The following CSMD1 variants were observed in gnomAD, a reference collection of about 807,000 sequenced individuals.
CSMD1 encodes the protein CUB and Sushi multiple domains 1, also known as CUB and sushi domain-containing protein 1.
In CSMD1, 213 loss-of-function variants were observed where a neutral mutation model predicts 417.5. The ratio of observed to expected loss-of-function variants is 0.51; its 90% CI spans 0.46 to 0.57. The LOEUF is 0.57. Among genes scored for constraint, CSMD1 ranks in the 20% least tolerant of loss-of-function variants. CSMD1 has a pLI of 0.00. For missense variants in CSMD1, 6,923 were observed against 4,529.7 expected (o/e 1.53, Z -15.17); for synonymous variants, 2,862 against 1,736.8 (o/e 1.65, Z -16.11).
At chr8:3,802,463 T>C (rs76638861) in intron 5 of CSMD1, among the ~76,000 whole-genome samples, 7,495 of 152,278 alleles carry the variant, frequency 0.049, 355 homozygotes, top group African/African-American at 0.13. Context: ...GTCAGCCTGA[T>C]ACATAAGTAT....
intron 14 of CSMD1, 31 bp downstream of exon 14, chr8:3,407,868 T>A: frequency 2.6e-6 from 4 of 1,548,576 alleles, no homozygotes; most frequent in South Asian, 2.4e-5. Flanking sequence ...AAATGAGAAC[T>A]TGGATGTGTT....
chr8:4,358,842 C>T (rs1195562553), intron 3 of CSMD1, among the ~76,000 whole-genome samples: 2 of 152,008 alleles, frequency 1.3e-5, no homozygotes, highest in Non-Finnish European at 1.5e-5. Flanking sequence ...GGTTTCAGTG[C>T]TCAAATAACT....
At chr8:3,415,734 C>G (rs533253889) in intron 12 of CSMD1, among the ~76,000 whole-genome samples, 2 of 152,234 alleles carry the variant, frequency 1.3e-5, no homozygotes, top group South Asian at 2.1e-4. Context: ...TCTGGAGAAT[C>G]TGATGAAGCT....
At chr8:3,310,498 T>TAACA (rs1262155814) in intron 23 of CSMD1, among the ~76,000 whole-genome samples, 19 of 152,288 alleles carry the variant, frequency 1.2e-4, no homozygotes, top group Admixed American at 1.3e-4. Context: ...TCCCTATTAA[T>TAACA]AACAAACAAT....
intron 1 of CSMD1, among the ~76,000 whole-genome samples, chr8:4,761,900 TATCTATCTATCA>T (rs1230829984): frequency 0.023 from 2,273 of 96,942 alleles, 28 homozygotes; most frequent in Middle Eastern, 0.038. Flanking sequence ...CCTACCTATC[TATCTATCTATCA>T]ATCTATCTAT....
At chr8:3,553,033 G>C (rs955336821) in intron 10 of CSMD1, among the ~76,000 whole-genome samples, 2 of 150,250 alleles carry the variant, frequency 1.3e-5, no homozygotes, top group Non-Finnish European at 3.0e-5. Context: ...TTTTGCAGAA[G>C]AATACTGAAG....
rs193206760 is a variant in CSMD1 at position 3,245,585 on chromosome 8, C to T, written c.4154-15354G>A. Among the ~76,000 whole-genome samples the T allele has an allele frequency of 7.2e-5, 11 of 152,298 alleles. No homozygotes were observed. The East Asian group carries it at 7.7e-4, about 11-fold the overall frequency. On this transcript the variant is annotated intron_variant, in intron 26 of 69. Transcript: ENST00000635120. ...TGAAATGCATCATCAAGGAAGGTAG[C>T]GCCCATGCCTACCCCTTCCAGGAAA...
At chr8:4,793,818 C>T (rs867434790) in intron 1 of CSMD1, among the ~76,000 whole-genome samples, 1 of 132,022 alleles carries the variant, frequency 7.6e-6, no homozygotes, top group Non-Finnish European at 1.6e-5. Flanking sequence ...AGAAAGCAGG[C>T]CACAACCCCA....
chr8:4,586,910 G>A (rs1430109983), intron 2 of CSMD1, among the ~76,000 whole-genome samples: 1 of 152,138 alleles, frequency 6.6e-6, no homozygotes, highest in African/African-American at 2.4e-5. Flanking sequence ...AACTTTGTTT[G>A]ATGAATAAAT....
At chr8:3,504,035 G>T (rs1042732357) in intron 10 of CSMD1, among the ~76,000 whole-genome samples, 3 of 152,218 alleles carry the variant, frequency 2.0e-5, no homozygotes, top group African/African-American at 7.2e-5. Context: ...CAGCACTGCA[G>T]GGTGACTGTC....
intron 2 of CSMD1, among the ~76,000 whole-genome samples, chr8:4,484,164 A>G (rs1801244958): frequency 6.6e-6 from 1 of 151,534 alleles, no homozygotes; most frequent in Non-Finnish European, 1.5e-5. Flanking sequence ...CGCTTCCCTT[A>G]TCAGTGGAGT....
intron 12 of CSMD1, among the ~76,000 whole-genome samples, chr8:3,458,097 G>A (rs937164283): frequency 6.6e-6 from 1 of 152,114 alleles, no homozygotes; most frequent in Admixed American, 6.6e-5. Context: ...TCTAACGTGA[G>A]CCCCGCAGCG....
At chr8:3,378,530 C>T (rs1176092340) in intron 18 of CSMD1, among the ~76,000 whole-genome samples, 1 of 152,174 alleles carries the variant, frequency 6.6e-6, no homozygotes, top group Non-Finnish European at 1.5e-5. Context: ...TCCAGCAGCA[C>T]ATCAAAAAGC....
chr8:3,661,637 C>T (rs1798424034), intron 7 of CSMD1, among the ~76,000 whole-genome samples: 1 of 152,152 alleles, frequency 6.6e-6, no homozygotes, highest in South Asian at 2.1e-4. Flanking sequence ...GTTGGCATTA[C>T]AGGTATCCAC....
At chr8:3,661,173 T>C (rs373682055) in intron 7 of CSMD1, among the ~76,000 whole-genome samples, 7 of 152,180 alleles carry the variant, frequency 4.6e-5, no homozygotes, top group African/African-American at 7.2e-5. Context: ...TGTGGATGAA[T>C]TGCAACTAAC....
intron 26 of CSMD1, among the ~76,000 whole-genome samples, chr8:3,262,207 A>G (rs866324466): frequency 8.7e-4 from 82 of 93,958 alleles, no homozygotes; most frequent in South Asian, 3.2e-3. Context: ...ATATATATAT[A>G]TATATATATA....
intron 7 of CSMD1, among the ~76,000 whole-genome samples, chr8:3,696,635 A>C (rs555708633): frequency 6.6e-6 from 1 of 152,344 alleles, no homozygotes; most frequent in East Asian, 1.9e-4. Flanking sequence ...CGTCATCATT[A>C]TATAACCCTG....
chr8:4,242,714 T>A (rs1802474421), intron 3 of CSMD1, among the ~76,000 whole-genome samples: 1 of 115,928 alleles, frequency 8.6e-6, no homozygotes, highest in South Asian at 2.4e-4. Flanking sequence ...TGGAGCCCAC[T>A]CTGCCCAGTT....
chr8:3,684,689 G>T (rs148512284), intron 7 of CSMD1, among the ~76,000 whole-genome samples: 1 of 148,472 alleles, frequency 6.7e-6, no homozygotes, highest in African/African-American at 2.5e-5. Flanking sequence ...GCTCCGCCTC[G>T]CAGGTTCACG....
Sources: allele counts gnomAD v4.1 joint callset (sites outside exome capture counted in the v4.1 genomes callset), GRCh38; gene constraint gnomAD v4.1.1; transcripts MANE v1.5; gene names NCBI Gene and HGNC (gene_info 2026-07-23, HGNC 2026-07-21).